RCSD1: variants seen among roughly 807,000 people sequenced by gnomAD.
The protein encoded by RCSD1 is capZ-interacting protein.
In RCSD1, 26 loss-of-function variants were observed where a neutral mutation model predicts 42.5. The observed-to-expected ratio is 0.61, with a 90% CI of 0.45 to 0.85. RCSD1 has a LOEUF of 0.85. Ranked by LOEUF, RCSD1 falls within the 40% of genes least tolerant of loss-of-function variation. RCSD1 has a pLI of 0.00. For missense variants in RCSD1, 571 were observed against 528.3 expected, an observed-to-expected ratio of 1.08 and a Z score of -0.79; for synonymous variants, 220 against 212.2, an observed-to-expected ratio of 1.04 and a Z score of -0.32.
At position 167,697,273 on chromosome 1, in the gene RCSD1, C is replaced by T. The variant is rs1357819958; in HGVS notation, c.649C>T (p.Pro217Ser). 2 of 1,613,968 alleles carry T rather than the reference C, an allele frequency of 1.2e-6. No individual in the cohort carries two copies. The highest frequency in any genetic ancestry group is 1.7e-6 in the Non-Finnish European group (2 of 1,180,038). Reference protein sequence around the residue: ...LPSKSKAPGSPLSSEGAAGEG... With the variant: ...LPSKSKAPGSSLSSEGAAGEG... Reference sequence around the variant, plus strand: ...ATCCAAGAGCAAGGCCCCAGGATCCCCTTTGTCCAGTGAGGGAGCAGCGGG... The same window carrying T: ...ATCCAAGAGCAAGGCCCCAGGATCCTCTTTGTCCAGTGAGGGAGCAGCGGG... Residue 217 changes from proline (P) to serine (S), a missense_variant, in exon 6 of 7, where the codon CCT becomes TCT. By Grantham distance (74) the Pro-to-Ser change is moderately conservative. Transcript: ENST00000367854.
intron 1 of RCSD1, among the ~76,000 whole-genome samples, chr1:167,650,422 C>G (rs1482046244): frequency 1.3e-5 from 2 of 152,154 alleles, no homozygotes; most frequent in Non-Finnish European, 2.9e-5. Context: ...GATGAGAGGC[C>G]AGGCTGGGCC....
chr1:167,685,347 C>T, intron 2 of RCSD1, 74 bp from the exon 3 acceptor site: 1 of 1,205,828 alleles, frequency 8.3e-7, no homozygotes, highest in East Asian at 2.5e-5. Flanking sequence ...GTTTCCATTT[C>T]CTTGCTCTTC....
At chr1:167,663,116 C>T (rs894816355) in intron 1 of RCSD1, among the ~76,000 whole-genome samples, 1 of 152,186 alleles carries the variant, frequency 6.6e-6, no homozygotes, top group African/African-American at 2.4e-5. Context: ...CTTGAAATGA[C>T]TCATCTGGAT....
intron 1 of RCSD1, among the ~76,000 whole-genome samples, chr1:167,648,000 C>G (rs539150353): frequency 6.6e-6 from 1 of 152,026 alleles, no homozygotes; most frequent in Non-Finnish European, 1.5e-5. Context: ...AAAAGACAAT[C>G]CTGTATAATA....
intron 3 of RCSD1, among the ~76,000 whole-genome samples, chr1:167,687,293 G>A (rs1659257724): frequency 6.6e-6 from 1 of 152,162 alleles, no homozygotes; most frequent in Non-Finnish European, 1.5e-5. Context: ...GAGAGGCCGA[G>A]GTGGGCGGAT....
At chr1:167,634,939 A>AGTGT (rs1274809999) in intron 1 of RCSD1, among the ~76,000 whole-genome samples, 2 of 74,488 alleles carry the variant, frequency 2.7e-5, no homozygotes, top group Admixed American at 2.6e-4. Flanking sequence ...TACTATGATG[A>AGTGT]GAGTGTGTGT....
Position 167,634,147 on chromosome 1 carries a change from G to A in RCSD1, c.6+3718G>A, listed in dbSNP as rs12401768. Among the ~76,000 whole-genome samples, 823 of 152,236 alleles carry A rather than the reference G, an allele frequency of 5.4e-3. 6 individuals carry two copies. Among genetic ancestry groups the A allele is most frequent in the East Asian group, 0.018 (94 of 5,174 alleles). On this transcript the variant is annotated intron_variant, in intron 1 of 6. Coordinates refer to ENST00000367854, the MANE Select transcript of RCSD1 (RefSeq NM_052862.4). ...TCCCCTCTCGGTCTGTAGCTCAAAC[G>A]TCTCCACCTCTGGAAGGCTTCTGTG...
intron 6 of RCSD1, among the ~76,000 whole-genome samples, chr1:167,702,569 A>C (rs1298404799): frequency 1.3e-5 from 2 of 152,242 alleles, no homozygotes; most frequent in Non-Finnish European, 2.9e-5. Flanking sequence ...ACTTGAGGTC[A>C]GGAGTTCAAG....
rs1404341215 is a variant in RCSD1, at chr1:167,630,374, C to G, written c.-50C>G. On this transcript the variant is annotated 5_prime_UTR_variant, in exon 1 of 7. Transcript: ENST00000367854. Reference sequence around the variant, plus strand: ...GAGGGGACAGCGGGGATCGTGAGCTCCGGCCCGGGCGAGCGGGTGCGTCTG... The same window carrying G: ...GAGGGGACAGCGGGGATCGTGAGCTGCGGCCCGGGCGAGCGGGTGCGTCTG... The G allele has an allele frequency of 6.7e-7, 1 of 1,486,844 alleles. No homozygotes were observed. Among genetic ancestry groups the G allele is most frequent in the East Asian group, 2.7e-5 (1 of 36,920 alleles). 92.1% of individuals were successfully genotyped at this position (1,486,844 alleles called of 1,614,324 possible). A position where few individuals can be genotyped will look rare whatever the true frequency, so the allele number is the denominator to read the frequency against.
intron 4 of RCSD1, among the ~76,000 whole-genome samples, chr1:167,692,224 G>A (rs568103677): frequency 3.3e-5 from 5 of 152,300 alleles, no homozygotes; most frequent in African/African-American, 4.8e-5. Context: ...TAAGAAATGC[G>A]TCGCCAGCTA....
intron 1 of RCSD1, among the ~76,000 whole-genome samples, chr1:167,635,270 G>A (rs1657808962): frequency 1.3e-5 from 2 of 152,150 alleles, no homozygotes; most frequent in African/African-American, 4.8e-5. Context: ...TGAAGCTAGA[G>A]TTTGGCTCGG....
In RCSD1 at chr1:167,685,465, C is replaced by T. The variant is rs371072929; in HGVS notation, c.153C>T (p.Leu51=). 2 of 1,613,680 alleles carry T rather than the reference C, an allele frequency of 1.2e-6. No homozygotes were observed. The highest frequency in any genetic ancestry group is 2.7e-5 in the African/African-American group (2 of 74,876). Residue 51 remains leucine, a synonymous_variant, in exon 3 of 7, where the codon CTC becomes CTT. Coordinates refer to ENST00000367854, the MANE Select transcript of RCSD1 (RefSeq NM_052862.4). ...KPTRRKPPCS[L]PLFPPKVDLG... is the part of the protein sequence containing the mutation. The stretch of plus-strand genomic sequence containing the variant: ...CCCGAAGGAAACCGCCCTGTTCCCT[C>T]CCCCTGTTCCCCCCCAAGGTAGACC...
chr1:167,657,851 A>G (rs1433979433), intron 1 of RCSD1, among the ~76,000 whole-genome samples: 1 of 152,120 alleles, frequency 6.6e-6, no homozygotes, highest in Non-Finnish European at 1.5e-5. Context: ...TTGAAAATAT[A>G]TCGTGGACAG....
intron 1 of RCSD1, among the ~76,000 whole-genome samples, chr1:167,653,925 TG>T (rs1658366037): frequency 6.6e-6 from 1 of 152,152 alleles, no homozygotes. Context: ...AGGAAGTCCC[TG>T]GTGGGAAGAG....
At chr1:167,701,202 C>T (rs4656550) in intron 6 of RCSD1, among the ~76,000 whole-genome samples, 36,386 of 151,840 alleles carry the variant, frequency 0.24, 4,660 homozygotes, top group Middle Eastern at 0.31. Context: ...CTTTTCCTCT[C>T]GGTCATCTCT....
intron 1 of RCSD1, chr1:167,638,546 G>C (rs1471167667): frequency 6.6e-6 from 1 of 152,280 alleles, no homozygotes; most frequent in Non-Finnish European, 1.5e-5. Flanking sequence ...CACAGCACCT[G>C]TGTGGGCTCT....
At chr1:167,703,296 C>T (rs1659686098) in intron 6 of RCSD1, among the ~76,000 whole-genome samples, 1 of 152,102 alleles carries the variant, frequency 6.6e-6, no homozygotes, top group African/African-American at 2.4e-5. Context: ...CTTTCCCACC[C>T]ACCGCTCCTC....
chr1:167,681,001 G>C (rs1052644241), intron 1 of RCSD1, among the ~76,000 whole-genome samples: 1 of 152,238 alleles, frequency 6.6e-6, no homozygotes, highest in Non-Finnish European at 1.5e-5. Flanking sequence ...GAGCACACTG[G>C]AGAGGGGTTA....
intron 2 of RCSD1, among the ~76,000 whole-genome samples, chr1:167,684,849 G>A (rs1049769482): frequency 2.0e-5 from 3 of 152,252 alleles, no homozygotes; most frequent in Non-Finnish European, 4.4e-5. Context: ...ACTCCAGCCC[G>A]GGCAACAAGA....
Sources: gnomAD v4.1 joint callset for allele counts (sites outside exome capture counted in the v4.1 genomes callset) on GRCh38, gnomAD v4.1.1 for gene constraint, MANE v1.5 for transcripts, NCBI Gene and HGNC (gene_info 2026-07-23, HGNC 2026-07-21) for gene names.